Variants in ARHGEF38 observed in about 807,000 individuals in gnomAD.
The protein encoded by ARHGEF38 is Rho guanine nucleotide exchange factor (GEF) 38.
Under a neutral mutation model 79.9 loss-of-function variants are expected in ARHGEF38, and 79 were observed. The observed-to-expected ratio is 0.99, with a 90% CI of 0.82 to 1.19. ARHGEF38 has a LOEUF of 1.19. ARHGEF38 is among the 50% of genes most tolerant of loss of function. ARHGEF38 has a pLI of 0.00. For synonymous variants in ARHGEF38, 366 were observed against 328.3 expected, an observed-to-expected ratio of 1.11 and a Z score of -1.24; for missense variants, 962 against 907.2, an observed-to-expected ratio of 1.06 and a Z score of -0.78.
At chr4:105,615,740 G>A (rs1236947233) in intron 3 of ARHGEF38, among the ~76,000 whole-genome samples, 3 of 152,032 alleles carry the variant, frequency 2.0e-5, no homozygotes, top group Non-Finnish European at 4.4e-5. Flanking sequence ...TGCAGTTAAC[G>A]GTTCTCACTG....
At chr4:105,674,830 T>G (rs896381781) in intron 13 of ARHGEF38, among the ~76,000 whole-genome samples, 2 of 152,074 alleles carry the variant, frequency 1.3e-5, no homozygotes, top group Non-Finnish European at 2.9e-5. Context: ...AGAGTTTATA[T>G]TTCGCTTGAG....
chr4:105,581,601 A>G (rs1480595920), intron 1 of ARHGEF38, among the ~76,000 whole-genome samples: 1 of 152,158 alleles, frequency 6.6e-6, no homozygotes, highest in East Asian at 1.9e-4. Flanking sequence ...TATTGATTAA[A>G]CAAAATAATT....
At chr4:105,643,198 A>G (rs540035971) in intron 5 of ARHGEF38, among the ~76,000 whole-genome samples, 1 of 151,644 alleles carries the variant, frequency 6.6e-6, no homozygotes, top group Admixed American at 6.6e-5. Flanking sequence ...TATTTTTAAA[A>G]TCTACTTCAC....
intron 3 of ARHGEF38, among the ~76,000 whole-genome samples, chr4:105,619,714 A>G (rs1728662084): frequency 6.6e-6 from 1 of 152,140 alleles, no homozygotes; most frequent in Non-Finnish European, 1.5e-5. Context: ...AATTCTGAAA[A>G]AGGATAGCAG....
At chr4:105,555,437 G>A (rs1401499791) in intron 1 of ARHGEF38, among the ~76,000 whole-genome samples, 2 of 152,138 alleles carry the variant, frequency 1.3e-5, no homozygotes, top group Non-Finnish European at 2.9e-5. Context: ...TCAGTTCTGT[G>A]CGTTTGTTCT....
intron 5 of ARHGEF38, 100 bp from the exon 6 acceptor site, chr4:105,645,088 A>G (rs1223994131): frequency 1.1e-6 from 1 of 937,164 alleles, no homozygotes; most frequent in Non-Finnish European, 1.4e-6. Flanking sequence ...AATGAAAAAA[A>G]GAGAAAATGT....
chr4:105,561,484 A>AATGGAATG (rs1725598720), intron 1 of ARHGEF38: 3 of 59,868 alleles, frequency 5.0e-5, no homozygotes, highest in Non-Finnish European at 7.9e-5. Context: ...AGAATAGAAT[A>AATGGAATG]GAATAGAATA....
At chr4:105,597,042 C>T (rs918665180) in intron 2 of ARHGEF38, among the ~76,000 whole-genome samples, 6 of 152,186 alleles carry the variant, frequency 3.9e-5, no homozygotes, top group Non-Finnish European at 8.8e-5. Context: ...AGCCCAGCTC[C>T]TCAGACCCCC....
intron 2 of ARHGEF38, among the ~76,000 whole-genome samples, chr4:105,600,173 C>A (rs1727762042): frequency 6.6e-6 from 1 of 152,114 alleles, no homozygotes; most frequent in African/African-American, 2.4e-5. Flanking sequence ...CACAGTCTTG[C>A]CCTAGTAAAG....
At chr4:105,677,554 T>A (rs1731165891) in intron 13 of ARHGEF38, among the ~76,000 whole-genome samples, 198 bp from the exon 14 acceptor site, 1 of 152,230 alleles carries the variant, frequency 6.6e-6, no homozygotes, top group Non-Finnish European at 1.5e-5. Context: ...CCTAACAGAA[T>A]AATAGGAATA....
chr4:105,600,493 A>G (rs775065397), intron 2 of ARHGEF38, among the ~76,000 whole-genome samples: 1 of 152,102 alleles, frequency 6.6e-6, no homozygotes, highest in Non-Finnish European at 1.5e-5. Context: ...TCATCTATAA[A>G]CACTAAAGTA....
chr4:105,602,910 C>T (rs148779684), intron 2 of ARHGEF38, among the ~76,000 whole-genome samples: 2 of 152,244 alleles, frequency 1.3e-5, no homozygotes, highest in Admixed American at 6.5e-5. Flanking sequence ...CTCACTCCTG[C>T]TCCCTTCCTT....
intron 10 of ARHGEF38, among the ~76,000 whole-genome samples, chr4:105,663,174 G>A (rs935886164): frequency 2.7e-4 from 41 of 152,108 alleles, no homozygotes; most frequent in Middle Eastern, 3.2e-3. Context: ...GAATTGAATA[G>A]TGATTAGAGA....
chr4:105,641,582 T>G (rs970558658), intron 5 of ARHGEF38, among the ~76,000 whole-genome samples: 18 of 152,102 alleles, frequency 1.2e-4, no homozygotes, highest in African/African-American at 4.3e-4. Context: ...TACTGTAAAA[T>G]AAATATTAAA....
At chr4:105,652,917 G>T (rs963593968) in intron 7 of ARHGEF38, among the ~76,000 whole-genome samples, 1 of 152,138 alleles carries the variant, frequency 6.6e-6, no homozygotes, top group African/African-American at 2.4e-5. Flanking sequence ...GATACATTGA[G>T]TTCTAATATC....
At chr4:105,562,688 A>C (rs779599228) in intron 1 of ARHGEF38, among the ~76,000 whole-genome samples, 3 of 152,198 alleles carry the variant, frequency 2.0e-5, no homozygotes, top group Non-Finnish European at 2.9e-5. Flanking sequence ...TCAGAAGCAC[A>C]CCCAGCCCAC....
At chr4:105,627,845 T>A (rs576755017) in intron 3 of ARHGEF38, among the ~76,000 whole-genome samples, 2 of 152,310 alleles carry the variant, frequency 1.3e-5, no homozygotes, top group Admixed American at 6.5e-5. Context: ...CAAGACACAC[T>A]GCTTCATCTG....
intron 1 of ARHGEF38, among the ~76,000 whole-genome samples, chr4:105,578,301 T>C (rs1273851488): frequency 6.6e-6 from 1 of 152,222 alleles, no homozygotes; most frequent in Non-Finnish European, 1.5e-5. Flanking sequence ...TGATATTATT[T>C]TGACTTCTCA....
chr4:105,591,881 C>T (rs1173311067), intron 2 of ARHGEF38, among the ~76,000 whole-genome samples: 2 of 152,138 alleles, frequency 1.3e-5, no homozygotes, highest in South Asian at 2.1e-4. Context: ...AAAATTTGCT[C>T]TTTAGTGTCA....
Sources: gnomAD v4.1 joint callset for allele counts (sites outside exome capture counted in the v4.1 genomes callset) on GRCh38, gnomAD v4.1.1 for gene constraint, MANE v1.5 for transcripts, NCBI Gene and HGNC (gene_info 2026-07-23, HGNC 2026-07-21) for gene names.